The following SAE1 variants were observed in gnomAD, a reference collection of about 807,000 sequenced individuals.
SAE1 encodes SUMO-activating enzyme subunit 1.
Under a neutral mutation model 40.6 loss-of-function variants are expected in SAE1, and 11 were observed. The observed-to-expected ratio is 0.27, with a 90% CI of 0.17 to 0.45. The LOEUF (loss-of-function observed/expected upper bound fraction) is 0.45. SAE1 is among the 20% of genes least tolerant of loss of function. SAE1 has a pLI of 1.00. For synonymous variants in SAE1, 155 were observed against 154.3 expected, an observed-to-expected ratio of 1.00 and a Z score of -0.03; for missense variants, 373 against 427.3, an observed-to-expected ratio of 0.87 and a Z score of 1.12.
intron 5 of SAE1, among the ~76,000 whole-genome samples, chr19:47,164,230 G>A (rs183272286): frequency 6.6e-6 from 1 of 151,470 alleles, no homozygotes; most frequent in Non-Finnish European, 1.5e-5. Flanking sequence ...GTGCAGTGGC[G>A]CAATCTCGGC....
intron 6 of SAE1, among the ~76,000 whole-genome samples, chr19:47,173,805 G>A (rs1047379343): frequency 1.4e-5 from 2 of 140,614 alleles, no homozygotes; most frequent in African/African-American, 5.5e-5. Flanking sequence ...TTTTTTTTGA[G>A]ACGGAGTCTC....
At chr19:47,131,370 C>T (rs1159901153) in intron 1 of SAE1, among the ~76,000 whole-genome samples, 1 of 151,794 alleles carries the variant, frequency 6.6e-6, no homozygotes, top group African/African-American at 2.4e-5. Context: ...GCTGGGGATA[C>T]GTGGAAAGGG....
At chr19:47,203,972 CT>C (rs1274609490) in intron 8 of SAE1, among the ~76,000 whole-genome samples, 1 of 152,038 alleles carries the variant, frequency 6.6e-6, no homozygotes, top group East Asian at 1.9e-4. Context: ...GCCATAGTGC[CT>C]CGAAGGTGTG....
At chr19:47,164,693 G>A (rs953427133) in intron 5 of SAE1, among the ~76,000 whole-genome samples, 6 of 129,786 alleles carry the variant, frequency 4.6e-5, no homozygotes, top group Non-Finnish European at 6.2e-5. Context: ...CTGTCACCCA[G>A]GCGGGAGTGC....
chr19:47,141,707 G>GTGATTAAATTTTATTTAATTTT (rs1399445646), intron 1 of SAE1, among the ~76,000 whole-genome samples: 13 of 152,244 alleles, frequency 8.5e-5, no homozygotes, highest in African/African-American at 2.9e-4. Flanking sequence ...GTGGAATGTT[G>GTGATTAAATTTTATTTAATTTT]TGATTAAATT....
intron 6 of SAE1, among the ~76,000 whole-genome samples, chr19:47,182,621 GACCC>G (rs2058517020): frequency 1.3e-5 from 2 of 151,994 alleles, no homozygotes; most frequent in Non-Finnish European, 2.9e-5. Flanking sequence ...GGGCAGAGGT[GACCC>G]ACAAATGCGG....
chr19:47,206,393 C>T (rs1165174152), intron 8 of SAE1, among the ~76,000 whole-genome samples: 5 of 152,228 alleles, frequency 3.3e-5, no homozygotes, highest in Non-Finnish European at 7.3e-5. Flanking sequence ...TCAGACTCAC[C>T]TTTCTCTCCT....
chr19:47,153,536 G>A (rs2058300908), intron 4 of SAE1, among the ~76,000 whole-genome samples: 1 of 152,106 alleles, frequency 6.6e-6, no homozygotes, highest in East Asian at 1.9e-4. Context: ...TGCAGTTTCT[G>A]ACCACCCCCT....
At chr19:47,131,055 C>G (rs879743914) in intron 1 of SAE1, 27 bp downstream of exon 1, 4 of 1,514,718 alleles carry the variant, frequency 2.6e-6, no homozygotes. Flanking sequence ...CTTGAGGCCG[C>G]TAGGGTCTGG....
intron 1 of SAE1, among the ~76,000 whole-genome samples, chr19:47,137,730 G>GTTGT (rs2058190598): frequency 2.3e-4 from 25 of 107,040 alleles, no homozygotes; most frequent in South Asian, 1.4e-3. Flanking sequence ...TGTGTGTGTT[G>GTTGT]TTTTTTTTTT....
chr19:47,146,911 G>A (rs2058258079), intron 2 of SAE1, among the ~76,000 whole-genome samples: 1 of 152,188 alleles, frequency 6.6e-6, no homozygotes, highest in Non-Finnish European at 1.5e-5. Flanking sequence ...AAAACGGCTG[G>A]TGGGCAGTAC....
chr19:47,173,092 G>T (rs866255517), intron 6 of SAE1, among the ~76,000 whole-genome samples: 1 of 152,018 alleles, frequency 6.6e-6, no homozygotes, highest in African/African-American at 2.4e-5. Flanking sequence ...GCAGTGGGGC[G>T]ATCTTGGCTC....
At chr19:47,163,834 G>A (rs1000295149) in intron 5 of SAE1, among the ~76,000 whole-genome samples, 1 of 152,188 alleles carries the variant, frequency 6.6e-6, no homozygotes, top group South Asian at 2.1e-4. Context: ...TGCCCAGGCT[G>A]GAGCGCAGTG....
chr19:47,162,488 CG>C (rs2058364632), intron 5 of SAE1, among the ~76,000 whole-genome samples: 1 of 152,008 alleles, frequency 6.6e-6, no homozygotes, highest in South Asian at 2.1e-4. Context: ...TAACTTCAGG[CG>C]TTTTTTTTCC....
intron 1 of SAE1, 87 bp from the exon 2 acceptor site, chr19:47,143,407 C>A (rs2058234337): frequency 1.7e-6 from 2 of 1,160,078 alleles, no homozygotes; most frequent in African/African-American, 3.0e-5. Flanking sequence ...GCCTGGCAAA[C>A]CAAAATGATT....
At chr19:47,181,463 GTTTTTTCTTTTCCTTT>G (rs1349869641) in intron 6 of SAE1, among the ~76,000 whole-genome samples, 28 of 138,262 alleles carry the variant, frequency 2.0e-4, no homozygotes, top group Admixed American at 4.4e-4. Context: ...TGTTTTTCTT[GTTTTTTCTTTTCCTTT>G]TTTTTTTTTT....
intron 6 of SAE1, among the ~76,000 whole-genome samples, chr19:47,181,984 C>T (rs1157583458): frequency 6.6e-6 from 1 of 151,740 alleles, no homozygotes; most frequent in Non-Finnish European, 1.5e-5. Context: ...AGAGGCCTCA[C>T]TCCATGGCCT....
Position 47,155,201 on chromosome 19 carries a change from G to GATGGTC in SAE1, c.617_622dup (p.Met206_Val207dup). 6.2e-7 allele frequency: 1 copy of GATGGTC among 1,612,986 alleles called. No homozygotes were observed. The highest frequency in any genetic ancestry group is 8.5e-7 in the Non-Finnish European group (1 of 1,179,050). The stretch of plus-strand genomic sequence containing the variant: ...CAAAACTTGATTCTTCTGAGACAAC[G>GATGGTC]ATGGTCAAAAAGGTATGTGTAACGT... On this transcript the variant is annotated inframe_insertion, in exon 5 of 9. Coordinates refer to ENST00000270225, the MANE Select transcript of SAE1 (RefSeq NM_005500.3).
rs2058707052 is a variant in SAE1, at chr19:47,210,267, G to GAAA, written c.*1017_*1018insAAA. On this transcript the variant is annotated 3_prime_UTR_variant, in exon 9 of 9. Coordinates refer to ENST00000270225, the MANE Select transcript of SAE1 (RefSeq NM_005500.3). ...TCCTACCAGTTGCCTTTTCAGACCT[G>GAAA]AGGCTCTAACTCAAGAGATTCCTCC... 6.6e-6 allele frequency: 1 copy of GAAA among 152,136 alleles called. No homozygotes were observed. Among genetic ancestry groups the GAAA allele is most frequent in the Admixed American group, 6.6e-5 (1 of 15,254 alleles). The allele number at this position is 152,136 out of a possible 1,614,324, so 9.4% of individuals were successfully genotyped here.
Sources: allele counts gnomAD v4.1 joint callset (sites outside exome capture counted in the v4.1 genomes callset), GRCh38; gene constraint gnomAD v4.1.1; transcripts MANE v1.5; gene names NCBI Gene and HGNC (gene_info 2026-07-23, HGNC 2026-07-21).